PAPSS1: variants seen among roughly 807,000 people sequenced by gnomAD.
PAPSS1 encodes bifunctional 3'-phosphoadenosine 5'-phosphosulfate synthase 1.
PAPSS1 carries 50 observed loss-of-function variants against 72.0 expected under a neutral mutation model. The observed-to-expected ratio is 0.69, with a 90% CI of 0.55 to 0.88. PAPSS1 has a LOEUF of 0.88. PAPSS1 is among the 40% of genes least tolerant of loss of function. The pLI is 0.00. For missense variants in PAPSS1, 657 were observed against 782.2 expected (o/e 0.84, Z 1.91); for synonymous variants, 261 against 263.6 (o/e 0.99, Z 0.09).
Position 107,631,669 on chromosome 4 carries a change from G to C in PAPSS1, c.1698C>G (p.Asn566Lys). 1 of 1,613,936 alleles carries C rather than the reference G, an allele frequency of 6.2e-7. No individual in the cohort carries two copies. ...AGTAGTCCATACGCTTCTTTTTCTT[G>C]TTGTAAGCTGCAACTCGAAAGGGAA... ...EIVPFRVAAYNKKKKRMDYYD... is the reference protein window; with the variant it reads ...EIVPFRVAAYKKKKKRMDYYD... The change falls in exon 11 of 12, where the codon AAC (asparagine) becomes AAG (lysine). Residue 566 changes from asparagine to lysine, a missense_variant. This residue lies in a region of PAPSS1 where 103 missense variants were observed against 93.8 expected (regional missense o/e 1.10). Coordinates refer to ENST00000265174, the MANE Select transcript of PAPSS1 (RefSeq NM_005443.5).
At chr4:107,684,252 G>A (rs1722713614) in intron 4 of PAPSS1, among the ~76,000 whole-genome samples, 1 of 152,092 alleles carries the variant, frequency 6.6e-6, no homozygotes, top group Non-Finnish European at 1.5e-5. Flanking sequence ...TATCTAAGGG[G>A]CCTGGGGAGT....
chr4:107,682,120 G>A lies in PAPSS1; in HGVS notation c.564C>T (p.Ile188=), dbSNP rs765141985. The A allele has an allele frequency of 1.7e-5, 27 of 1,577,708 alleles. No homozygotes were observed. Among genetic ancestry groups the A allele is most frequent in the African/African-American group, 5.4e-5 (4 of 73,826 alleles). ...RAGEIKGFTG[I]DSEYEKPEAP... is the part of the protein sequence containing the mutation. ...CCTCTGGCTTTTCATATTCAGAATC[G>A]ATCCCAGTGAAACCTGCAAAAGGTA... Residue 188 remains isoleucine (I), a synonymous_variant, in exon 5 of 12, where the codon ATC becomes ATT. Coordinates refer to ENST00000265174, the MANE Select transcript of PAPSS1 (RefSeq NM_005443.5).
intron 1 of PAPSS1, among the ~76,000 whole-genome samples, chr4:107,707,528 G>T (rs1430663313): frequency 2.0e-5 from 3 of 152,182 alleles, no homozygotes; most frequent in African/African-American, 7.2e-5. Flanking sequence ...GAGTTTCACT[G>T]AGGTGGGCCT....
intron 5 of PAPSS1, among the ~76,000 whole-genome samples, chr4:107,661,360 T>G (rs1727177509): frequency 6.6e-6 from 1 of 152,354 alleles, no homozygotes; most frequent in South Asian, 2.1e-4. Context: ...CCCAATGAGT[T>G]GAAAACGTAC....
intron 5 of PAPSS1, among the ~76,000 whole-genome samples, chr4:107,663,005 T>C (rs569168375): frequency 7.9e-4 from 121 of 152,334 alleles, no homozygotes; most frequent in African/African-American, 2.8e-3. Context: ...CCTTGAGGCA[T>C]ACAGATTCTT....
chr4:107,659,468 A>G (rs2074375), intron 6 of PAPSS1, among the ~76,000 whole-genome samples: 29,385 of 152,094 alleles, frequency 0.19, 3,134 homozygotes, highest in East Asian at 0.37. Flanking sequence ...ATAAATTATA[A>G]TTTCCATTCT....
intron 1 of PAPSS1, among the ~76,000 whole-genome samples, chr4:107,702,959 T>C (rs1487882995): frequency 1.3e-5 from 2 of 152,228 alleles, no homozygotes; most frequent in Non-Finnish European, 2.9e-5. Flanking sequence ...GCTATACTAA[T>C]ATTCCCACAA....
chr4:107,697,236 C>CA (rs1286192368), intron 2 of PAPSS1, among the ~76,000 whole-genome samples: 1 of 152,232 alleles, frequency 6.6e-6, no homozygotes, highest in Non-Finnish European at 1.5e-5. Flanking sequence ...CCCAGGCCAG[C>CA]ATGACAACAA....
At chr4:107,719,813 A>C (rs1010825994) in intron 1 of PAPSS1, 3 of 1,241,276 alleles carry the variant, frequency 2.4e-6, no homozygotes, top group African/African-American at 1.6e-5. Flanking sequence ...GCGCCAGTTC[A>C]CGGGTGAAGG....
chr4:107,645,059 C>A lies in PAPSS1; in HGVS notation c.1249G>T (p.Ala417Ser). The change falls in exon 10 of 12, where the codon GCA becomes TCA. Residue 417 changes from alanine (A) to serine (S), a missense_variant. Physicochemically the swap from Ala to Ser is moderately conservative, Grantham distance 99. This residue lies in a region of PAPSS1 where 166 missense variants were observed against 228.3 expected (regional missense o/e 0.73). Coordinates refer to ENST00000265174, the MANE Select transcript of PAPSS1 (RefSeq NM_005443.5). Reference protein sequence around the residue: ...FKDMNADAVFAFQLRNPVHNG... With the variant: ...FKDMNADAVFSFQLRNPVHNG... ...TGCACTGGGTTGCGTAGTTGAAATG[C>A]AAAGACAGCATCTGAAAAGAGAATT... The A allele has an allele frequency of 1.3e-6, 2 of 1,517,024 alleles. No homozygotes were observed. The highest frequency in any genetic ancestry group is 1.3e-5 in the South Asian group (1 of 75,370). The allele number at this position is 1,517,024 out of a possible 1,614,324, so 94.0% of individuals were successfully genotyped here.
rs757640447 is a variant in PAPSS1, at chr4:107,687,079, G to A, written c.510C>T (p.Val170=). 1.3e-6 allele frequency: 2 copies of A among 1,599,126 alleles called. No homozygotes were observed. Among genetic ancestry groups the A allele is most frequent in the South Asian group, 2.3e-5 (2 of 87,746 alleles). Residue 170 remains valine, a synonymous_variant, in exon 4 of 12, where the codon GTC becomes GTT. Transcript: ENST00000265174. ...APLHVCEQRD[V]KGLYKKARAG... ...CCCGGGCTTTTTTGTAGAGTCCTTT[G>A]ACATCCCTCTGTTCACAAACATGCA...
intron 4 of PAPSS1, among the ~76,000 whole-genome samples, chr4:107,682,599 C>G (rs1046634058): frequency 6.6e-6 from 1 of 152,200 alleles, no homozygotes. Flanking sequence ...AATTCTACTA[C>G]TTTTGTCACC....
chr4:107,668,270 A>G (rs1183296665), intron 5 of PAPSS1, among the ~76,000 whole-genome samples: 1 of 152,216 alleles, frequency 6.6e-6, no homozygotes, highest in African/African-American at 2.4e-5. Flanking sequence ...AGATAATTAT[A>G]AATACTTCTC....
At chr4:107,618,288 T>TC (rs1725873929) in intron 11 of PAPSS1, among the ~76,000 whole-genome samples, 1 of 151,572 alleles carries the variant, frequency 6.6e-6, no homozygotes, top group Non-Finnish European at 1.5e-5. Context: ...ATTTAAATCT[T>TC]CCTTAATAGA....
Position 107,682,052 on chromosome 4 carries a change from T to A in PAPSS1, c.632A>T (p.Asp211Val), listed in dbSNP as rs773921474. 1.4e-5 allele frequency: 23 copies of A among 1,607,078 alleles called. No individual in the cohort carries two copies. The South Asian group carries it at 2.5e-4, about 18-fold the overall frequency. ...VLKTDSCDVN[D>V]CVQQVVELLQ... ...AAGTTCCACAACTTGCTGGACACAG[T>A]CATTTACATCACAGGAGTCTGTTTT... is the stretch of plus-strand genomic sequence containing the variant. Residue 211 changes from aspartate to valine, a missense_variant, in exon 5 of 12, where the codon GAC becomes GTC. By Grantham distance (152) the Asp-to-Val change is radical. Transcript: ENST00000265174.
At chr4:107,705,386 C>T (rs2125938839) in intron 1 of PAPSS1, among the ~76,000 whole-genome samples, 1 of 152,262 alleles carries the variant, frequency 6.6e-6, no homozygotes, top group South Asian at 2.1e-4. Context: ...TTTGATAGTT[C>T]CAAAGTGTGG....
At chr4:107,713,504 A>C (rs573845054) in intron 1 of PAPSS1, among the ~76,000 whole-genome samples, 94 of 152,258 alleles carry the variant, frequency 6.2e-4, no homozygotes, top group Non-Finnish European at 9.8e-4. Context: ...CCACGCCTGT[A>C]ATCCCAGCAC....
At chr4:107,708,103 C>T (rs1723387414) in intron 1 of PAPSS1, among the ~76,000 whole-genome samples, 1 of 152,124 alleles carries the variant, frequency 6.6e-6, no homozygotes, top group African/African-American at 2.4e-5. Context: ...ATCTCATTAA[C>T]AATAATTATT....
chr4:107,690,776 G>A (rs756214998), intron 3 of PAPSS1, among the ~76,000 whole-genome samples: 2 of 152,120 alleles, frequency 1.3e-5, no homozygotes, highest in African/African-American at 2.4e-5. Context: ...TTTTATAGAT[G>A]AGGTCAACAA....
Sources: gnomAD v4.1 joint callset for allele counts (sites outside exome capture counted in the v4.1 genomes callset) on GRCh38, gnomAD v4.1.1 for gene constraint, gnomAD v4.1.1 regional missense constraint, MANE v1.5 for transcripts, NCBI Gene and HGNC (gene_info 2026-07-23, HGNC 2026-07-21) for gene names.